The following NRG1 variants were observed in gnomAD, a reference collection of about 807,000 sequenced individuals.
NRG1 encodes the protein neuregulin 1.
Under a neutral mutation model 63.8 loss-of-function variants are expected in NRG1, and 18 were observed. That is an observed-to-expected ratio of 0.28 (90% CI 0.19 to 0.42). The LOEUF is 0.42. NRG1 is among the 10% of genes least tolerant of loss of function. The pLI is 1.00. For missense variants in NRG1, 762 were observed against 814.7 expected (o/e 0.94, Z 0.79); for synonymous variants, 302 against 301.3 (o/e 1.00, Z -0.02).
rs370635405 is a variant in NRG1 at position 32,115,460 on chromosome 8, AAAG to A, written c.37+476031_37+476033del. Among the ~76,000 whole-genome samples, 129 of 152,294 alleles carry A rather than the reference AAAG, an allele frequency of 8.5e-4. 2 individuals are homozygous for A. The highest frequency in any genetic ancestry group is 2.9e-3 in the African/African-American group (121 of 41,572). ...AAATGTTATTAAGAAAATCACAAAA[AAAG>A]AGAAAATATATTTACTATTCATTAA... On this transcript the variant is annotated intron_variant, in intron 1 of 10. Transcript: ENST00000519301.
chr8:32,714,323 T>C (rs1030816670), intron 5 of NRG1, among the ~76,000 whole-genome samples: 5 of 152,174 alleles, frequency 3.3e-5, no homozygotes, highest in African/African-American at 1.2e-4. Context: ...GCCAAGTAGG[T>C]GTTTAAAGGC....
chr8:32,203,188 CTTTT>C (rs11311144), intron 1 of NRG1, among the ~76,000 whole-genome samples: 2 of 61,462 alleles, frequency 3.3e-5, no homozygotes, highest in South Asian at 8.0e-4. Context: ...AGCAAGCCAG[CTTTT>C]TTTTTTTTTT....
chr8:31,919,002 A>G (rs572040499), intron 1 of NRG1, among the ~76,000 whole-genome samples: 2 of 152,286 alleles, frequency 1.3e-5, no homozygotes, highest in East Asian at 3.9e-4. Context: ...AGGTGTTTGT[A>G]GTATTATCTG....
At chr8:32,387,186 T>C (rs1161677244) in intron 1 of NRG1, among the ~76,000 whole-genome samples, 2 of 152,034 alleles carry the variant, frequency 1.3e-5, no homozygotes, top group Non-Finnish European at 2.9e-5. Flanking sequence ...AAAATAAGAG[T>C]AGGATATAGC....
chr8:32,610,301 A>G (rs1846156134), intron 3 of NRG1, among the ~76,000 whole-genome samples: 1 of 152,094 alleles, frequency 6.6e-6, no homozygotes, highest in African/African-American at 2.4e-5. Context: ...GTATGTTCCA[A>G]CATGTTTAGA....
At chr8:32,615,854 G>GA (rs1472395181) in intron 4 of NRG1, among the ~76,000 whole-genome samples, 6 of 145,884 alleles carry the variant, frequency 4.1e-5, no homozygotes, top group Non-Finnish European at 9.0e-5. Context: ...AGGAAGGAAG[G>GA]AAAAAAGAGG....
At chr8:32,376,239 A>G (rs1207755133) in intron 1 of NRG1, among the ~76,000 whole-genome samples, 1 of 152,236 alleles carries the variant, frequency 6.6e-6, no homozygotes, top group East Asian at 1.9e-4. Flanking sequence ...TAATATTCAG[A>G]GCAAAATGGA....
chr8:32,545,163 G>C (rs539832085), upstream of NRG1, among the ~76,000 whole-genome samples: 23 of 152,274 alleles, frequency 1.5e-4, no homozygotes, highest in African/African-American at 5.3e-4. Context: ...GATTTACTGA[G>C]AGGATATATT....
intron 1 of NRG1, among the ~76,000 whole-genome samples, chr8:31,930,298 C>A (rs2129619854): frequency 6.6e-6 from 1 of 152,252 alleles, no homozygotes; most frequent in African/African-American, 2.4e-5. Flanking sequence ...TTTAAAAGAT[C>A]ATTTATTGAT....
At chr8:32,715,816 G>C (rs1251283685) in intron 5 of NRG1, among the ~76,000 whole-genome samples, 1 of 152,036 alleles carries the variant, frequency 6.6e-6, no homozygotes, top group Non-Finnish European at 1.5e-5. Flanking sequence ...TCTAATTTTT[G>C]TATTTTTAGT....
chr8:31,694,119 A>T (rs541982912), intron 1 of NRG1, among the ~76,000 whole-genome samples: 3 of 152,322 alleles, frequency 2.0e-5, no homozygotes, highest in Admixed American at 1.3e-4. Flanking sequence ...CTGGGATTAC[A>T]GGTGTAAACC....
intron 1 of NRG1, among the ~76,000 whole-genome samples, chr8:32,337,962 A>G (rs1348346838): frequency 2.6e-5 from 4 of 152,180 alleles, no homozygotes; most frequent in Non-Finnish European, 5.9e-5. Context: ...TCTCAGTATT[A>G]TACTTTAATT....
At chr8:32,307,334 C>T (rs1246482201) in intron 1 of NRG1, among the ~76,000 whole-genome samples, 1 of 152,066 alleles carries the variant, frequency 6.6e-6, no homozygotes, top group Non-Finnish European at 1.5e-5. Context: ...AAATCTGGGG[C>T]CTCAGGCATT....
At chr8:32,754,054 A>T (rs535440965) in intron 7 of NRG1, among the ~76,000 whole-genome samples, 1 of 152,278 alleles carries the variant, frequency 6.6e-6, no homozygotes, top group African/African-American at 2.4e-5. Context: ...GTTTTAACCA[A>T]ATAGTTATTT....
chr8:32,498,116 C>G (rs1827433785), intron 1 of NRG1, among the ~76,000 whole-genome samples: 1 of 152,166 alleles, frequency 6.6e-6, no homozygotes, highest in African/African-American at 2.4e-5. Context: ...AGCCACTGTG[C>G]CCGGCCCCAC....
At chr8:32,766,369 G>A (rs1197259137) in exon 12 of NRG1, 1 of 152,098 alleles carries the variant, frequency 6.6e-6, no homozygotes, top group Non-Finnish European at 1.5e-5. Flanking sequence ...CCTACACTGA[G>A]GAGTCTTTGT....
At chr8:32,720,080 C>G (rs1820246962) in intron 5 of NRG1, among the ~76,000 whole-genome samples, 1 of 151,962 alleles carries the variant, frequency 6.6e-6, no homozygotes, top group Non-Finnish European at 1.5e-5. Context: ...TTTGACCTTT[C>G]AGCTACTTTC....
rs533031987 is a variant in NRG1, at chr8:32,145,537, T to C, written c.38-450291T>C. On this transcript the variant is annotated intron_variant, in intron 1 of 10. Coordinates refer to the NRG1 transcript ENST00000519301. ...TGTATGATCATGGTATATTGTGCAT[T>C]GTACAAAGTGCCCAGCCAAGGGCTG... 5.9e-5 allele frequency among the ~76,000 whole-genome samples: 9 copies of C among 152,334 alleles called. No homozygotes were observed. The South Asian group carries it at 1.7e-3, about 28-fold the overall frequency.
intron 1 of NRG1, among the ~76,000 whole-genome samples, chr8:32,304,961 G>C (rs1197839786): frequency 6.6e-6 from 1 of 152,046 alleles, no homozygotes; most frequent in Non-Finnish European, 1.5e-5. Context: ...GTTACAGTGA[G>C]CCAAGAACAT....
Sources: allele counts gnomAD v4.1 joint callset (sites outside exome capture counted in the v4.1 genomes callset), GRCh38; gene constraint gnomAD v4.1.1; transcripts MANE v1.5; gene names NCBI Gene and HGNC (gene_info 2026-07-23, HGNC 2026-07-21).